Variants in COL21A1 observed in about 807,000 individuals in gnomAD.
COL21A1 encodes collagen alpha-1(XXI) chain.
Under a neutral mutation model 137.9 loss-of-function variants are expected in COL21A1, and 149 were observed. That is an observed-to-expected ratio of 1.08 (90% CI 0.95 to 1.24). The LOEUF (loss-of-function observed/expected upper bound fraction) is 1.24, where lower values mean the gene tolerates loss of function less well. Ranked by LOEUF, COL21A1 falls within the 50% of genes most tolerant of loss-of-function variation. The pLI is 0.00. For synonymous variants in COL21A1, 456 were observed against 391.5 expected (o/e 1.16, Z -1.95); for missense variants, 1,167 against 1,158.4 (o/e 1.01, Z -0.11).
chr6:56,287,722 T>C (rs574423602), intron 1 of COL21A1, among the ~76,000 whole-genome samples: 1 of 152,216 alleles, frequency 6.6e-6, no homozygotes, highest in Non-Finnish European at 1.5e-5. Flanking sequence ...GAGAATGGAC[T>C]AATACAGAGG....
intron 1 of COL21A1, among the ~76,000 whole-genome samples, chr6:56,384,642 A>G (rs931469941): frequency 6.6e-6 from 1 of 152,188 alleles, no homozygotes; most frequent in African/African-American, 2.4e-5. Context: ...CCCACAAACA[A>G]CAGATTCTGT....
rs1765371515 is a variant in COL21A1, at chr6:56,056,667, T to C, written c.*990A>G. ...TTTTGAGCATGACAAGGATGAAATA[T>C]TTCAAATTCTGTTTCTTACAAAAGC... On this transcript the variant is annotated 3_prime_UTR_variant, in exon 30 of 30. Coordinates refer to ENST00000244728, the MANE Select transcript of COL21A1 (RefSeq NM_030820.4). 6.6e-6 allele frequency: 1 copy of C among 152,308 alleles called. No individual in the cohort carries two copies. The highest frequency in any genetic ancestry group is 6.5e-5 in the Admixed American group (1 of 15,294). The allele number at this position is 152,308 out of a possible 1,614,324, so 9.4% of individuals were successfully genotyped here.
intron 12 of COL21A1, 94 bp downstream of exon 12, chr6:56,141,691 C>G: frequency 7.4e-7 from 1 of 1,348,964 alleles, no homozygotes; most frequent in Admixed American, 1.8e-5. Context: ...TTAGAATTCA[C>G]CAAGACGCAG....
intron 17 of COL21A1, among the ~76,000 whole-genome samples, chr6:56,098,314 AAT>A (rs1172961851): frequency 8.3e-5 from 5 of 60,540 alleles, no homozygotes; most frequent in African/African-American, 3.5e-4. Context: ...TAAATATATA[AAT>A]ATATATAAAT....
chr6:56,080,314 G>A (rs1377669216), intron 17 of COL21A1, among the ~76,000 whole-genome samples: 6 of 151,740 alleles, frequency 4.0e-5, no homozygotes, highest in Non-Finnish European at 2.9e-5. Flanking sequence ...TGTGATTTCA[G>A]TTTGGGTTTG....
At chr6:56,156,365 G>C (rs1343409544) in intron 10 of COL21A1, among the ~76,000 whole-genome samples, 2 of 152,172 alleles carry the variant, frequency 1.3e-5, no homozygotes, top group Non-Finnish European at 2.9e-5. Flanking sequence ...CTTTTCCTTA[G>C]AGCATTTGCT....
intron 21 of COL21A1, 109 bp downstream of exon 21, chr6:56,070,636 C>T: frequency 1.5e-6 from 1 of 669,290 alleles, no homozygotes; most frequent in Non-Finnish European, 2.4e-6. Context: ...AAAGGTAATC[C>T]TTAACTTCAT....
intron 1 of COL21A1, among the ~76,000 whole-genome samples, chr6:56,384,143 T>G (rs1449530876): frequency 6.6e-6 from 1 of 152,188 alleles, no homozygotes; most frequent in Non-Finnish European, 1.5e-5. Flanking sequence ...AGACACTTAA[T>G]GATTGGTGTC....
At chr6:56,084,229 TAA>T (rs960593642) in intron 17 of COL21A1, among the ~76,000 whole-genome samples, 33 of 151,300 alleles carry the variant, frequency 2.2e-4, no homozygotes, top group South Asian at 4.2e-4. Context: ...TATATATATA[TAA>T]AAAACATTAA....
At chr6:56,256,413 C>G (rs1782973587) in intron 1 of COL21A1, among the ~76,000 whole-genome samples, 1 of 152,100 alleles carries the variant, frequency 6.6e-6, no homozygotes, top group Non-Finnish European at 1.5e-5. Flanking sequence ...CATTTTCATT[C>G]TAAGTGAAAA....
intron 1 of COL21A1, among the ~76,000 whole-genome samples, chr6:56,374,720 C>CAAA (rs34067784): frequency 7.1e-4 from 61 of 86,338 alleles, no homozygotes; most frequent in African/African-American, 1.6e-3. Flanking sequence ...GACTTCGTCT[C>CAAA]AAAAAAAAAA....
At chr6:56,177,791 C>CA (rs3065941) in intron 3 of COL21A1, among the ~76,000 whole-genome samples, 2,443 of 69,296 alleles carry the variant, frequency 0.035, 310 homozygotes, top group African/African-American at 0.13. Context: ...GACTCTGCCT[C>CA]AAAAAAAAAA....
At chr6:56,158,266 C>CTTTTTTTTTTTTTTTTTTTTTTTCT (rs67453245) in intron 9 of COL21A1, among the ~76,000 whole-genome samples, 2 of 62,402 alleles carry the variant, frequency 3.2e-5, no homozygotes, top group Non-Finnish European at 5.6e-5. Flanking sequence ...TTTTTTTTTT[C>CTTTTTTTTTTTTTTTTTTTTTTTCT]TTTTTTTTTT....
At position 56,110,820 on chromosome 6, in the gene COL21A1, G is replaced by C. The variant is rs142312564; in HGVS notation, c.1759-9295C>G. Among the ~76,000 whole-genome samples, 921 of 152,056 alleles carry C rather than the reference G, an allele frequency of 6.1e-3. 11 individuals are homozygous for C. Among genetic ancestry groups the C allele is most frequent in the African/African-American group, 0.02 (848 of 41,520 alleles). ...TGAAACTTTGCTGAGATAAAATAAA[G>C]AAAACTCACATAAGTGAAACAATAT... On this transcript the variant is annotated intron_variant, in intron 16 of 29. Coordinates refer to ENST00000244728, the MANE Select transcript of COL21A1 (RefSeq NM_030820.4).
intron 17 of COL21A1, among the ~76,000 whole-genome samples, chr6:56,092,054 T>C (rs1391303925): frequency 6.6e-6 from 1 of 152,044 alleles, no homozygotes; most frequent in Non-Finnish European, 1.5e-5. Flanking sequence ...TGTCCTTTAT[T>C]CTTAGAATAA....
chr6:56,345,011 C>T (rs371005528), intron 1 of COL21A1, among the ~76,000 whole-genome samples: 2 of 152,144 alleles, frequency 1.3e-5, no homozygotes, highest in African/African-American at 4.8e-5. Flanking sequence ...AAGTATCCTT[C>T]GAATTACACA....
chr6:56,303,215 T>TCCATATGAA (rs1764347221), intron 1 of COL21A1, among the ~76,000 whole-genome samples: 1 of 152,228 alleles, frequency 6.6e-6, no homozygotes, highest in African/African-American at 2.4e-5. Flanking sequence ...CAATGTGGGC[T>TCCATATGAA]CTTTTTTGGG....
At chr6:56,276,974 A>ATTTATT (rs60178322) in intron 1 of COL21A1, among the ~76,000 whole-genome samples, 57,368 of 147,114 alleles carry the variant, frequency 0.39, 12,632 homozygotes, top group African/African-American at 0.58. Context: ...CGCCTGGCTA[A>ATTTATT]TTTATTTTTA....
intron 23 of COL21A1, among the ~76,000 whole-genome samples, chr6:56,066,644 TC>T (rs1380444051): frequency 6.6e-6 from 1 of 151,802 alleles, no homozygotes; most frequent in African/African-American, 2.4e-5. Flanking sequence ...TTTCATTGAC[TC>T]AGCTAGTGGC....
Sources: allele counts gnomAD v4.1 joint callset (sites outside exome capture counted in the v4.1 genomes callset), GRCh38; gene constraint gnomAD v4.1.1; transcripts MANE v1.5; gene names NCBI Gene and HGNC (gene_info 2026-07-23, HGNC 2026-07-21).